The following CFAP92 variants were observed in gnomAD, a reference collection of about 807,000 sequenced individuals.
CFAP92 encodes the protein uncharacterized protein CFAP92.
In CFAP92, 86 loss-of-function variants were observed where a neutral mutation model predicts 106.3. The observed-to-expected ratio is 0.81, with a 90% CI of 0.68 to 0.97. The LOEUF is 0.97. Among genes scored for constraint, CFAP92 ranks in the 50% least tolerant of loss-of-function variants. CFAP92 has a pLI of 0.00. For synonymous variants in CFAP92, 477 were observed against 506.4 expected, an observed-to-expected ratio of 0.94 and a Z score of 0.78; for missense variants, 1,204 against 1,283.8, an observed-to-expected ratio of 0.94 and a Z score of 0.95.
At chr3:128,985,535 T>C (rs1943798326) in intron 4 of CFAP92, among the ~76,000 whole-genome samples, 1 of 152,134 alleles carries the variant, frequency 6.6e-6, no homozygotes, top group Non-Finnish European at 1.5e-5. Context: ...GGCCACCAAA[T>C]TCCCTTTACC....
upstream of CFAP92, among the ~76,000 whole-genome samples, chr3:129,007,682 AC>A (rs998523393): frequency 6.6e-6 from 1 of 152,210 alleles, no homozygotes; most frequent in African/African-American, 2.4e-5. Flanking sequence ...AAAGTCACAT[AC>A]CCAAACTCAG....
chr3:128,991,004 G>A (rs1297130830), intron 2 of CFAP92, among the ~76,000 whole-genome samples: 4 of 152,148 alleles, frequency 2.6e-5, no homozygotes, highest in Admixed American at 2.0e-4. Context: ...ATGTAGAGCC[G>A]AAGGTATGTC....
At chr3:128,952,787 T>A (rs995888121) in intron 9 of CFAP92, among the ~76,000 whole-genome samples, 17 of 151,852 alleles carry the variant, frequency 1.1e-4, no homozygotes, top group Admixed American at 5.2e-4. Context: ...CCCCATCTCT[T>A]AAAAAGAAAG....
chr3:128,934,757 C>T (rs1027149899), intron 11 of CFAP92, among the ~76,000 whole-genome samples: 4 of 152,228 alleles, frequency 2.6e-5, no homozygotes, highest in East Asian at 1.9e-4. Flanking sequence ...TCTCAAACTC[C>T]GGGGCTCAAG....
Position 128,978,191 on chromosome 3 carries a change from A to G in CFAP92, c.668-6T>C, listed in dbSNP as rs1326064388. 7 of 1,611,600 alleles carry G rather than the reference A, an allele frequency of 4.3e-6. No individual in the cohort carries two copies. Among genetic ancestry groups the G allele is most frequent in the Non-Finnish European group, 5.9e-6 (7 of 1,178,500 alleles). On this transcript the variant is annotated splice_region_variant and splice_polypyrimidine_tract_variant and intron_variant, in intron 4 of 15. Coordinates refer to ENST00000645291, the MANE Select transcript of CFAP92 (RefSeq NM_001394090.1). ...TAAAACCAAATGTCTCACTTCTAGA[A>G]TGCAGGAGAAGAAAGGATCATTGAC...
At chr3:128,939,708 G>A (rs981567886) in intron 10 of CFAP92, among the ~76,000 whole-genome samples, 4 of 152,088 alleles carry the variant, frequency 2.6e-5, no homozygotes, top group Admixed American at 6.6e-5. Flanking sequence ...GACTGGTTTC[G>A]TGGAAGACAA....
chr3:129,014,143 C>T, the CFAP92 span, among the ~76,000 whole-genome samples: 1 of 152,212 alleles, frequency 6.6e-6, no homozygotes, highest in Non-Finnish European at 1.5e-5. This position sits in a 1 kb window ranked among gnomAD's most constrained non-coding sequence, Gnocchi z 4.3. Flanking sequence ...CTGTCAAGTG[C>T]CTAGAGAGGG....
intron 12 of CFAP92, among the ~76,000 whole-genome samples, chr3:128,917,307 C>T (rs1346776556): frequency 1.3e-5 from 2 of 152,172 alleles, no homozygotes; most frequent in South Asian, 2.1e-4. Context: ...TCCTAGAAGT[C>T]CCCTGCTCCT....
intron 12 of CFAP92, among the ~76,000 whole-genome samples, chr3:128,924,372 T>C (rs1004266772): frequency 2.0e-5 from 3 of 150,966 alleles, no homozygotes; most frequent in African/African-American, 4.9e-5. Flanking sequence ...GCCTCTGGAA[T>C]GTGTCTAGAC....
chr3:128,942,025 C>A (rs544255783), intron 10 of CFAP92, among the ~76,000 whole-genome samples: 135 of 152,308 alleles, frequency 8.9e-4, no homozygotes, highest in Admixed American at 1.0e-3. Flanking sequence ...CATATACTAT[C>A]TGCCCAGCAT....
At chr3:129,008,014 C>T in the CFAP92 span, among the ~76,000 whole-genome samples, 13 of 152,318 alleles carry the variant, frequency 8.5e-5, no homozygotes, top group South Asian at 2.1e-4. Context: ...GGCTGTGAGC[C>T]GTCTTTGGCA....
intron 9 of CFAP92, among the ~76,000 whole-genome samples, chr3:128,957,747 G>A (rs1290464782): frequency 6.6e-6 from 1 of 152,190 alleles, no homozygotes; most frequent in Non-Finnish European, 1.5e-5. Flanking sequence ...ATCCTGGAGT[G>A]GGGGAGAAGG....
chr3:128,958,713 CA>C (rs576523854), intron 9 of CFAP92, among the ~76,000 whole-genome samples: 1 of 152,136 alleles, frequency 6.6e-6, no homozygotes, highest in South Asian at 2.1e-4. Context: ...CCAGCCTGCG[CA>C]ACATGGCAAA....
chr3:128,937,432 C>G (rs1939154209), intron 10 of CFAP92, among the ~76,000 whole-genome samples: 1 of 151,872 alleles, frequency 6.6e-6, no homozygotes, highest in Non-Finnish European at 1.5e-5. Flanking sequence ...AACCCCGTCT[C>G]TACTAAAAAT....
chr3:128,976,395 G>A (rs1943161454), intron 6 of CFAP92, among the ~76,000 whole-genome samples: 2 of 152,108 alleles, frequency 1.3e-5, no homozygotes, highest in Non-Finnish European at 2.9e-5. Flanking sequence ...ATGTAAAAAT[G>A]TCAATTCTTC....
upstream of CFAP92, among the ~76,000 whole-genome samples, chr3:129,002,884 A>T (rs1363647558): frequency 6.6e-6 from 1 of 152,160 alleles, no homozygotes; most frequent in Non-Finnish European, 1.5e-5. Flanking sequence ...TCAGGCACTC[A>T]CGGGCCACCA....
intron 8 of CFAP92, chr3:128,969,638 C>T (rs1318971664): frequency 6.6e-6 from 1 of 152,000 alleles, no homozygotes; most frequent in East Asian, 1.9e-4. Context: ...TCATGCCAGG[C>T]AGGCCCAAAT....
At position 128,910,332 on chromosome 3, in the gene CFAP92, G is replaced by C. The variant is rs1936132278; in HGVS notation, c.3282C>G (p.Val1094=). ...TGGGGCTGTTCCCTTTCTTCTTCCTGACTGAGAGAAGAGGGGGTGAGTGAC... is the reference window on the plus strand; with the variant it reads ...TGGGGCTGTTCCCTTTCTTCTTCCTCACTGAGAGAAGAGGGGGTGAGTGAC... ...LPSPAPKPVT[V]RKKKGNSPIS The change falls in exon 16 of 16, where the codon GTC becomes GTG. Residue 1094 remains valine (V), a splice_region_variant and synonymous_variant. Transcript: ENST00000645291. The C allele has an allele frequency of 6.8e-7, 1 of 1,473,462 alleles. No homozygotes were observed. Among genetic ancestry groups the C allele is most frequent in the African/African-American group, 1.4e-5 (1 of 70,994 alleles). 91.3% of individuals were successfully genotyped at this position (1,473,462 alleles called of 1,614,324 possible). A position where few individuals can be genotyped will look rare whatever the true frequency, so the allele number is the denominator to read the frequency against.
At chr3:129,002,536 C>T in intron 1 of CFAP92, 1 of 1,003,616 alleles carries the variant, frequency 1.0e-6, no homozygotes, top group Non-Finnish European at 1.3e-6. Flanking sequence ...CCACCTATTC[C>T]ATTCCTGAAA....
Sources: allele counts gnomAD v4.1 joint callset (sites outside exome capture counted in the v4.1 genomes callset), GRCh38; gene constraint gnomAD v4.1.1; non-coding constraint Gnocchi (gnomAD v3.1); transcripts MANE v1.5; gene names NCBI Gene and HGNC (gene_info 2026-07-23, HGNC 2026-07-21).